STPG2: variants seen among roughly 807,000 people sequenced by gnomAD.
STPG2 encodes sperm tail PG-rich repeat containing 2, also known as sperm-tail PG-rich repeat-containing protein 2.
In STPG2, 56 loss-of-function variants were observed where a neutral mutation model predicts 54.2. That is an observed-to-expected ratio of 1.03 (90% CI 0.83 to 1.29). The LOEUF is 1.29. STPG2 is among the 50% of genes most tolerant of loss of function. The probability of loss-of-function intolerance (pLI) is 0.00; values close to 1 mark genes in which losing one functional copy is unlikely to be tolerated. For synonymous variants in STPG2, 200 were observed against 181.8 expected (o/e 1.10, Z -0.81); for missense variants, 596 against 544.9 (o/e 1.09, Z -0.93).
intron 9 of STPG2, among the ~76,000 whole-genome samples, chr4:97,718,571 G>A (rs1395157016): frequency 6.6e-6 from 1 of 151,920 alleles, no homozygotes; most frequent in African/African-American, 2.4e-5. Context: ...ATATGTTATA[G>A]ATGAAATGAA....
intron 5 of STPG2, among the ~76,000 whole-genome samples, chr4:98,094,079 A>G (rs1366608464): frequency 2.0e-5 from 3 of 152,172 alleles, no homozygotes; most frequent in African/African-American, 7.2e-5. Flanking sequence ...CAGCTGGTGC[A>G]GCTAAAGGAG....
At position 97,708,722 on chromosome 4, in the gene STPG2, TG is replaced by T. The variant is rs568640892; in HGVS notation, c.1320+3976del. ...AGAGAAAATACTTTTTTCTATTTTT[TG>T]GTGAAAATATAATTAAATTACATAT... On this transcript the variant is annotated intron_variant, in intron 10 of 10. Transcript: ENST00000295268. Among the ~76,000 whole-genome samples, 426 of 151,944 alleles carry T rather than the reference TG, an allele frequency of 2.8e-3. 3 individuals carry two copies. Among genetic ancestry groups the T allele is most frequent in the African/African-American group, 9.4e-3 (390 of 41,544 alleles).
chr4:98,009,375 A>G (rs1474400557), intron 5 of STPG2, among the ~76,000 whole-genome samples: 2 of 151,246 alleles, frequency 1.3e-5, no homozygotes, highest in Admixed American at 1.3e-4. Flanking sequence ...CAATTTTCAT[A>G]TATCTGTGAA....
chr4:97,443,581 A>C (rs1276055018), intron 4 of STPG2, among the ~76,000 whole-genome samples: 1 of 152,142 alleles, frequency 6.6e-6, no homozygotes, highest in African/African-American at 2.4e-5. Flanking sequence ...GAATAAGAGA[A>C]GGTTATACTC....
At chr4:97,560,008 A>T (rs1158666421) in intron 10 of STPG2, among the ~76,000 whole-genome samples, 1 of 152,196 alleles carries the variant, frequency 6.6e-6, no homozygotes, top group Non-Finnish European at 1.5e-5. Flanking sequence ...CTTAACAGAC[A>T]AATCTGAACG....
At chr4:98,126,875 A>C (rs1739846807) in intron 3 of STPG2, among the ~76,000 whole-genome samples, 1 of 152,076 alleles carries the variant, frequency 6.6e-6, no homozygotes, top group Admixed American at 6.6e-5. Flanking sequence ...GATCTGAGTG[A>C]AGGATAGGAT....
chr4:97,472,186 C>T (rs570116303), intron 4 of STPG2, among the ~76,000 whole-genome samples: 10 of 152,288 alleles, frequency 6.6e-5, no homozygotes, highest in African/African-American at 2.2e-4. Flanking sequence ...AAACAGAGAA[C>T]CACAACTTAG....
At chr4:97,755,855 C>T (rs1222465621) in intron 9 of STPG2, among the ~76,000 whole-genome samples, 2 of 151,998 alleles carry the variant, frequency 1.3e-5, no homozygotes, top group Non-Finnish European at 2.9e-5. Context: ...TTAAAAAGTC[C>T]TTGGATAGAA....
intron 10 of STPG2, among the ~76,000 whole-genome samples, chr4:97,575,658 A>G (rs1449394143): frequency 6.6e-6 from 1 of 152,160 alleles, no homozygotes; most frequent in Non-Finnish European, 1.5e-5. Flanking sequence ...AGCCAACAAC[A>G]TAGTAAACAT....
intron 5 of STPG2, among the ~76,000 whole-genome samples, chr4:98,045,348 T>C (rs1737092545): frequency 6.6e-6 from 1 of 152,168 alleles, no homozygotes; most frequent in Admixed American, 6.5e-5. Context: ...TTTTTCCCTC[T>C]AAGACAAACA....
chr4:97,723,582 G>T (rs191479888), intron 9 of STPG2, among the ~76,000 whole-genome samples: 2 of 152,156 alleles, frequency 1.3e-5, no homozygotes, highest in Non-Finnish European at 2.9e-5. Context: ...TTTTGTGCAT[G>T]GTATTTTGTA....
chr4:97,859,449 T>A (rs542405800), intron 8 of STPG2, among the ~76,000 whole-genome samples: 1 of 148,262 alleles, frequency 6.7e-6, no homozygotes, highest in African/African-American at 2.5e-5. Flanking sequence ...GCATTTACTT[T>A]TTCTTTCTTT....
At chr4:97,916,408 G>A (rs1731878352) in intron 8 of STPG2, 1 of 152,580 alleles carries the variant, frequency 6.6e-6, no homozygotes, top group Non-Finnish European at 1.5e-5. Context: ...ATGAAGGAAG[G>A]CATCACTGAC....
At chr4:98,108,063 T>C (rs1413464814) in intron 4 of STPG2, among the ~76,000 whole-genome samples, 1 of 152,130 alleles carries the variant, frequency 6.6e-6, no homozygotes, top group African/African-American at 2.4e-5. Context: ...GATTAGAGTA[T>C]AAATTCCCAA....
chr4:97,815,969 T>G (rs1365859953), intron 9 of STPG2, among the ~76,000 whole-genome samples: 26 of 152,236 alleles, frequency 1.7e-4, no homozygotes, highest in African/African-American at 5.8e-4. Context: ...CCATGGTGGT[T>G]TGTTGCACCC....
chr4:97,959,573 A>G (rs1733811058), intron 7 of STPG2, among the ~76,000 whole-genome samples: 2 of 151,940 alleles, frequency 1.3e-5, no homozygotes, highest in Non-Finnish European at 1.5e-5. Flanking sequence ...TACTATGAAC[A>G]TCTTTATACA....
chr4:97,939,993 C>A (rs1467308385), intron 8 of STPG2, among the ~76,000 whole-genome samples: 1 of 152,118 alleles, frequency 6.6e-6, no homozygotes, highest in Non-Finnish European at 1.5e-5. Flanking sequence ...TAAGGCAGGT[C>A]TGGTGGTAAT....
At chr4:97,832,007 T>C (rs192319653) in intron 9 of STPG2, among the ~76,000 whole-genome samples, 15 of 152,314 alleles carry the variant, frequency 9.8e-5, no homozygotes, top group Admixed American at 7.8e-4. Flanking sequence ...GAATCCTCCC[T>C]AACTCATTTA....
Position 97,582,119 on chromosome 4 carries a change from C to G in STPG2, c.1321-23002G>C, listed in dbSNP as rs569815889. 5.9e-5 allele frequency among the ~76,000 whole-genome samples: 9 copies of G among 152,034 alleles called. No individual in the cohort carries two copies. The South Asian group carries it at 1.7e-3, about 28-fold the overall frequency. On this transcript the variant is annotated intron_variant, in intron 10 of 10. Coordinates refer to ENST00000295268, the MANE Select transcript of STPG2 (RefSeq NM_174952.3). ...GGCTCCTGGAACCACCCCCTCTGCC[C>G]CAACCCCATCTCCTACTTCTGCTCT...
Sources: gnomAD v4.1 joint callset for allele counts (sites outside exome capture counted in the v4.1 genomes callset) on GRCh38, gnomAD v4.1.1 for gene constraint, MANE v1.5 for transcripts, NCBI Gene and HGNC (gene_info 2026-07-23, HGNC 2026-07-21) for gene names.